TMC2: variants seen among roughly 807,000 people sequenced by gnomAD.
TMC2 encodes the protein transmembrane channel like 2.
In TMC2, 102 loss-of-function variants were observed where a neutral mutation model predicts 105.9. The ratio of observed to expected loss-of-function variants is 0.96; its 90% CI spans 0.82 to 1.14. The LOEUF is 1.14. Ranked by LOEUF, TMC2 falls within the 50% of genes most tolerant of loss-of-function variation. The probability of loss-of-function intolerance (pLI) is 0.00; values close to 1 mark genes in which losing one functional copy is unlikely to be tolerated. For missense variants in TMC2, 1,093 were observed against 1,134.3 expected (o/e 0.96, Z 0.52); for synonymous variants, 402 against 422.8 (o/e 0.95, Z 0.60).
At chr20:2,547,134 A>G (rs903895396) in intron 2 of TMC2, among the ~76,000 whole-genome samples, 1 of 152,186 alleles carries the variant, frequency 6.6e-6, no homozygotes, top group African/African-American at 2.4e-5. Flanking sequence ...ATCAAGTAAA[A>G]AGATTCAGTA....
At chr20:2,604,747 T>C (rs946256564) in intron 11 of TMC2, among the ~76,000 whole-genome samples, 3 of 152,178 alleles carry the variant, frequency 2.0e-5, no homozygotes, top group African/African-American at 7.2e-5. Flanking sequence ...TGATCACTAA[T>C]GGCCAGTGAT....
Position 2,641,329 on chromosome 20 carries a change from G to A in TMC2, c.2699G>A (p.Ser900Asn). The A allele has an allele frequency of 6.2e-7, 1 of 1,613,818 alleles. No homozygotes were observed. The highest frequency in any genetic ancestry group is 8.5e-7 in the Non-Finnish European group (1 of 1,179,798). ...CCGTGGAGGTCAGCCTCTGGAAAGAGTGCTCAGAGACCTCCCCACTGATGG... is the reference window on the plus strand; with the variant it reads ...CCGTGGAGGTCAGCCTCTGGAAAGAATGCTCAGAGACCTCCCCACTGATGG... ...THPWRSASGKSAQRPPH is the reference protein window; with the variant it reads ...THPWRSASGKNAQRPPH The change falls in exon 20 of 20, where the codon AGT becomes AAT. Residue 900 changes from serine to asparagine, a missense_variant. By Grantham distance (46) the Ser-to-Asn change is conservative. Transcript: ENST00000358864.
At chr20:2,552,663 G>T (rs1472278657) in intron 2 of TMC2, among the ~76,000 whole-genome samples, 1 of 151,858 alleles carries the variant, frequency 6.6e-6, no homozygotes, top group Admixed American at 6.6e-5. Context: ...ATACAGACTC[G>T]TGCCACCATG....
chr20:2,579,074 C>A, intron 5 of TMC2, 72 bp from the exon 6 acceptor site: 1 of 832,334 alleles, frequency 1.2e-6, no homozygotes, highest in Non-Finnish European at 2.1e-6. Flanking sequence ...CCTCCTCGTG[C>A]CCCTCATCAT....
At chr20:2,586,118 T>G (rs371176684) in intron 7 of TMC2, among the ~76,000 whole-genome samples, 1 of 152,342 alleles carries the variant, frequency 6.6e-6, no homozygotes, top group African/African-American at 2.4e-5. Flanking sequence ...CTAAAAATCT[T>G]ATTCTGGCAT....
Position 2,605,000 on chromosome 20 carries a change from C to T in TMC2, c.1413+2699C>T, listed in dbSNP as rs1279126923. Among the ~76,000 whole-genome samples, 3 of 152,312 alleles carry T rather than the reference C, an allele frequency of 2.0e-5. No individual in the cohort carries two copies. The East Asian group carries it at 5.8e-4, about 29-fold the overall frequency. On this transcript the variant is annotated intron_variant, in intron 11 of 19. Coordinates refer to ENST00000358864, the MANE Select transcript of TMC2 (RefSeq NM_080751.3). ...AAGAAGGGGATTGTGAGAATCTCTG[C>T]TTTATAGCCAAATCGAACAGAAGTT...
In TMC2 at chr20:2,616,229, A is replaced by G. The variant is rs770375043; in HGVS notation, c.1940+25A>G. On this transcript the variant is annotated intron_variant, in intron 15 of 19. Transcript: ENST00000358864. The surrounding 1 kb of genome is among the most constrained non-coding windows in gnomAD (Gnocchi z 4.8). Reference sequence around the variant, plus strand: ...GGTGAGTTATCCATTTCATCTGGTGATCGCCTCATCCAAGGAGTCAAAAAA... The same window carrying G: ...GGTGAGTTATCCATTTCATCTGGTGGTCGCCTCATCCAAGGAGTCAAAAAA... 1.9e-6 allele frequency: 3 copies of G among 1,596,254 alleles called. No individual in the cohort carries two copies. The highest frequency in any genetic ancestry group is 2.6e-6 in the Non-Finnish European group (3 of 1,163,896).
rs1478533784 is a variant in TMC2 at position 2,642,652 on chromosome 20, A to G, written c.*1301A>G. ...GAAGCCAGGGGCCAGACCATTAAGAAGGCCTTGATGGCAAGGGCAGAGCCT... is the reference window on the plus strand; with the variant it reads ...GAAGCCAGGGGCCAGACCATTAAGAGGGCCTTGATGGCAAGGGCAGAGCCT... On this transcript the variant is annotated 3_prime_UTR_variant, in exon 20 of 20. Coordinates refer to ENST00000358864, the MANE Select transcript of TMC2 (RefSeq NM_080751.3). Among the ~76,000 whole-genome samples, 1 of 152,208 alleles carries G rather than the reference A, an allele frequency of 6.6e-6. No homozygotes were observed. Among genetic ancestry groups the G allele is most frequent in the Non-Finnish European group, 1.5e-5 (1 of 68,034 alleles).
At chr20:2,574,749 T>G (rs1342126876) in intron 5 of TMC2, among the ~76,000 whole-genome samples, 9 of 151,020 alleles carry the variant, frequency 6.0e-5, no homozygotes, top group African/African-American at 4.9e-5. Flanking sequence ...TGTTTTTTTG[T>G]TTTTTTTTCT....
chr20:2,559,206 T>G (rs1363389600), intron 3 of TMC2, among the ~76,000 whole-genome samples: 2 of 152,222 alleles, frequency 1.3e-5, no homozygotes, highest in East Asian at 1.9e-4. Flanking sequence ...ATCTGAGGGC[T>G]TAAGCACACC....
intron 16 of TMC2, among the ~76,000 whole-genome samples, chr20:2,620,112 A>C (rs564352566): frequency 7.2e-5 from 11 of 152,156 alleles, no homozygotes; most frequent in South Asian, 2.1e-4. Flanking sequence ...AGAGAAGAAA[A>C]AAACAGAACT....
chr20:2,586,318 C>T (rs979152868), intron 7 of TMC2, among the ~76,000 whole-genome samples: 2 of 152,174 alleles, frequency 1.3e-5, no homozygotes, highest in Admixed American at 1.3e-4. Context: ...ATGCTATAGA[C>T]ATGCCTGTGT....
chr20:2,561,411 C>T (rs900221669), intron 3 of TMC2, among the ~76,000 whole-genome samples: 5 of 152,092 alleles, frequency 3.3e-5, no homozygotes, highest in African/African-American at 1.2e-4. Context: ...GAACAGTGAC[C>T]TTTGAAGACA....
rs2086697628 is a variant in TMC2, at chr20:2,642,762, C to T, written c.*1411C>T. On this transcript the variant is annotated 3_prime_UTR_variant, in exon 20 of 20. Transcript: ENST00000358864. ...TCCTTCCTTTCCTCCACTCTGTGCT[C>T]CCAGACCCAGGTAAGCAGTGAGGCC... Among the ~76,000 whole-genome samples the T allele has an allele frequency of 6.6e-6, 1 of 152,038 alleles. No homozygotes were observed. The highest frequency in any genetic ancestry group is 2.4e-5 in the African/African-American group (1 of 41,346).
rs71329387 is a variant in TMC2 at position 2,616,564 on chromosome 20, TAAAG to T, written c.1940+363_1940+366del. Among the ~76,000 whole-genome samples, 29,449 of 149,508 alleles carry T rather than the reference TAAAG, an allele frequency of 0.2. 3,384 individuals carry two copies. The highest frequency in any genetic ancestry group is 0.28 in the Middle Eastern group (78 of 282). On this transcript the variant is annotated intron_variant, in intron 15 of 19. Transcript: ENST00000358864. This position sits in a 1 kb window ranked among gnomAD's most constrained non-coding sequence, Gnocchi z 4.8. ...GGAGGAAAAGAGGAGGAAAGGAAAA[TAAAG>T]AAGGAGGGAGGGAGAAAAGAAGGAA...
rs2086633854 is a variant in TMC2, at chr20:2,635,325, G to A, written c.2307-601G>A. ...AGAGCATCTGCAATTGTGCTTCTTC[G>A]GCAAACTTAGGTCTCTTAACACCTC... is the stretch of plus-strand genomic sequence containing the variant. On this transcript the variant is annotated intron_variant, in intron 17 of 19. Coordinates refer to ENST00000358864, the MANE Select transcript of TMC2 (RefSeq NM_080751.3). Among the ~76,000 whole-genome samples the A allele has an allele frequency of 4.1e-5, 6 of 147,898 alleles. No individual in the cohort carries two copies. The South Asian group carries it at 1.1e-3, about 27-fold the overall frequency.
chr20:2,596,787 G>C (rs1419087052), intron 9 of TMC2, among the ~76,000 whole-genome samples: 1 of 151,822 alleles, frequency 6.6e-6, no homozygotes, highest in African/African-American at 2.4e-5. Flanking sequence ...TGACTTAGAA[G>C]GGGACGTTCC....
chr20:2,576,704 T>C (rs73894822), intron 5 of TMC2, among the ~76,000 whole-genome samples: 21,745 of 152,070 alleles, frequency 0.14, 2,126 homozygotes, highest in African/African-American at 0.27. Context: ...TCCACAGCAG[T>C]CATGCCTTTT....
Position 2,617,137 on chromosome 20 carries a change from A to G in TMC2, c.2006A>G (p.Tyr669Cys). 1 of 1,613,974 alleles carries G rather than the reference A, an allele frequency of 6.2e-7. No homozygotes were observed. Among genetic ancestry groups the G allele is most frequent in the African/African-American group, 1.3e-5 (1 of 74,952 alleles). Reference sequence around the variant, plus strand: ...GTGCTGCGCCTGCTGACCTCCATGTACTTCCAGTGCTGGGCGGTGATGAGC... The same window carrying G: ...GTGCTGCGCCTGCTGACCTCCATGTGCTTCCAGTGCTGGGCGGTGATGAGC... ...INVLRLLTSM[Y>C]FQCWAVMSSN... The change falls in exon 16 of 20, where the codon TAC becomes TGC. Residue 669 changes from tyrosine (Y) to cysteine (C), a missense_variant. Transcript: ENST00000358864.
Sources: gnomAD v4.1 joint callset for allele counts (sites outside exome capture counted in the v4.1 genomes callset) on GRCh38, gnomAD v4.1.1 for gene constraint, Gnocchi (gnomAD v3.1) non-coding constraint, MANE v1.5 for transcripts, NCBI Gene and HGNC (gene_info 2026-07-23, HGNC 2026-07-21) for gene names.